TRIM24: variants seen among roughly 807,000 people sequenced by gnomAD.
TRIM24 encodes the protein tripartite motif containing 24, also known as transcription intermediary factor 1-alpha.
Under a neutral mutation model 123.9 loss-of-function variants are expected in TRIM24, and 29 were observed. The ratio of observed to expected loss-of-function variants is 0.23; its 90% confidence interval spans 0.17 to 0.32. The LOEUF (loss-of-function observed/expected upper bound fraction) is 0.32. Among genes scored for constraint, TRIM24 ranks in the 10% least tolerant of loss-of-function variants. The pLI is 1.00. For missense variants in TRIM24, 932 were observed against 1,295.3 expected, an observed-to-expected ratio of 0.72 and a Z score of 4.31; for synonymous variants, 456 against 461.1, an observed-to-expected ratio of 0.99 and a Z score of 0.14.
At chr7:138,542,046 A>G (rs1476210741) in intron 7 of TRIM24, among the ~76,000 whole-genome samples, 2 of 152,242 alleles carry the variant, frequency 1.3e-5, no homozygotes, top group Admixed American at 6.5e-5. Context: ...AGGTTATGTT[A>G]TAGCTGGCTT....
At chr7:138,471,836 C>G (rs577023531) in intron 1 of TRIM24, among the ~76,000 whole-genome samples, 1 of 152,132 alleles carries the variant, frequency 6.6e-6, no homozygotes, top group Non-Finnish European at 1.5e-5. Flanking sequence ...CCACCGCACC[C>G]GGCCTGGTAT....
At chr7:138,564,028 C>T (rs1324266442) in intron 9 of TRIM24, among the ~76,000 whole-genome samples, 1 of 152,190 alleles carries the variant, frequency 6.6e-6, no homozygotes, top group Non-Finnish European at 1.5e-5. Context: ...TAAACAGTGT[C>T]AAGAGGAGCT....
intron 1 of TRIM24, among the ~76,000 whole-genome samples, chr7:138,471,903 G>A (rs538418033): frequency 5.9e-5 from 9 of 152,200 alleles, no homozygotes; most frequent in African/African-American, 1.7e-4. Context: ...ACTACCAGAA[G>A]ATCTTTATTT....
chr7:138,471,671 G>C lies in TRIM24; in HGVS notation c.364+10759G>C, dbSNP rs187683826. Among the ~76,000 whole-genome samples, 163 of 152,080 alleles carry C rather than the reference G, an allele frequency of 1.1e-3. 1 individual carries two copies. The highest frequency in any genetic ancestry group is 3.8e-3 in the African/African-American group (157 of 41,488). On this transcript the variant is annotated intron_variant, in intron 1 of 18. Coordinates refer to ENST00000343526, the MANE Select transcript of TRIM24 (RefSeq NM_015905.3). Reference sequence around the variant, plus strand: ...TTCTCATGCCTCAGCCTCCCCAACAGCTGGGATTACAGGTGCGCGCCACCA... The same window carrying C: ...TTCTCATGCCTCAGCCTCCCCAACACCTGGGATTACAGGTGCGCGCCACCA...
At chr7:138,533,365 G>A (rs2116595960) in intron 6 of TRIM24, among the ~76,000 whole-genome samples, 1 of 152,204 alleles carries the variant, frequency 6.6e-6, no homozygotes, top group East Asian at 1.9e-4. Flanking sequence ...GTCATAAATA[G>A]CTCTTATTAT....
intron 3 of TRIM24, among the ~76,000 whole-genome samples, chr7:138,518,132 C>T (rs1311627501): frequency 6.6e-6 from 1 of 152,082 alleles, no homozygotes; most frequent in Non-Finnish European, 1.5e-5. Flanking sequence ...AGTGGTATAT[C>T]TATTTCGTGA....
intron 7 of TRIM24, among the ~76,000 whole-genome samples, chr7:138,549,743 A>G (rs562743015): frequency 4.6e-5 from 7 of 152,320 alleles, no homozygotes; most frequent in African/African-American, 1.7e-4. Flanking sequence ...TTTTAGCTGG[A>G]AAAACAAAGC....
At chr7:138,581,312 G>C (rs1584750914) in intron 16 of TRIM24, among the ~76,000 whole-genome samples, 1 of 152,206 alleles carries the variant, frequency 6.6e-6, no homozygotes, top group Non-Finnish European at 1.5e-5. Context: ...CAGAGCACAT[G>C]GTTGGACCTT....
At chr7:138,552,029 GT>G (rs538567598) in intron 8 of TRIM24, among the ~76,000 whole-genome samples, 233 of 146,782 alleles carry the variant, frequency 1.6e-3, no homozygotes, top group East Asian at 9.7e-3. Context: ...TATAAATACA[GT>G]TTTTTTTTTT....
At chr7:138,512,601 T>G (rs1359031541) in intron 2 of TRIM24, among the ~76,000 whole-genome samples, 1 of 152,078 alleles carries the variant, frequency 6.6e-6, no homozygotes, top group Non-Finnish European at 1.5e-5. Context: ...AGCAGTGGCC[T>G]GAGCTGTATT....
At chr7:138,555,040 A>G (rs1347198520) in intron 9 of TRIM24, 74 bp downstream of exon 9, 8 of 1,448,674 alleles carry the variant, frequency 5.5e-6, no homozygotes, top group Non-Finnish European at 2.8e-6. Context: ...AAAATAACAA[A>G]GACATCCATT....
chr7:138,497,358 G>C (rs1192141937), intron 1 of TRIM24, among the ~76,000 whole-genome samples: 4 of 150,418 alleles, frequency 2.7e-5, no homozygotes, highest in African/African-American at 9.8e-5. Flanking sequence ...GTGAGCCACC[G>C]CGCCTGGCCG....
At chr7:138,486,959 C>T (rs1795661442) in intron 1 of TRIM24, among the ~76,000 whole-genome samples, 3 of 152,148 alleles carry the variant, frequency 2.0e-5, no homozygotes, top group African/African-American at 7.2e-5. Context: ...ATTGATTCTT[C>T]CTATCCATGA....
At chr7:138,543,305 T>C (rs1000023982) in intron 7 of TRIM24, among the ~76,000 whole-genome samples, 1 of 152,214 alleles carries the variant, frequency 6.6e-6, no homozygotes, top group African/African-American at 2.4e-5. Flanking sequence ...CTTGGTTAAC[T>C]AAATTTTAAA....
chr7:138,529,146 G>A lies in TRIM24; in HGVS notation c.912G>A (p.Gln304=). ...RIIEVNQNQK[Q]VEQDIKVAIF... is the part of the protein sequence containing the mutation. ...TTGAAGTAAATCAAAATCAAAAGCA[G>A]GTGGAACAGGATATTAAAGTTGCTA... is the stretch of plus-strand genomic sequence containing the variant. The change falls in exon 6 of 19, where the codon CAG becomes CAA. Residue 304 remains glutamine (Q), a synonymous_variant. Coordinates refer to ENST00000343526, the MANE Select transcript of TRIM24 (RefSeq NM_015905.3). 6.4e-7 allele frequency: 1 copy of A among 1,565,790 alleles called. No individual in the cohort carries two copies. Among genetic ancestry groups the A allele is most frequent in the Non-Finnish European group, 8.6e-7 (1 of 1,161,076 alleles).
rs1563072212 is a variant in TRIM24 at position 138,589,199 on chromosome 7, C to T, written c.*4248C>T. Reference sequence around the variant, plus strand: ...AATGTGAATTTACTGTTGTAATTCACATACTGGTGTCATGTTTCTGAGTGA... The same window carrying T: ...AATGTGAATTTACTGTTGTAATTCATATACTGGTGTCATGTTTCTGAGTGA... On this transcript the variant is annotated 3_prime_UTR_variant, in exon 19 of 19. Coordinates refer to ENST00000343526, the MANE Select transcript of TRIM24 (RefSeq NM_015905.3). 6.6e-6 allele frequency: 1 copy of T among 152,108 alleles called. No homozygotes were observed. Among genetic ancestry groups the T allele is most frequent in the Non-Finnish European group, 1.5e-5 (1 of 68,026 alleles). The allele number at this position is 152,108 out of a possible 1,614,324, so 9.4% of individuals were successfully genotyped here.
intron 1 of TRIM24, among the ~76,000 whole-genome samples, chr7:138,493,318 A>T (rs1315143490): frequency 6.6e-6 from 1 of 152,230 alleles, no homozygotes; most frequent in East Asian, 1.9e-4. Context: ...GTTTGTTGAG[A>T]ACCAAACAAT....
In TRIM24 at chr7:138,585,634, TGG is replaced by T. The variant is rs1316806779; in HGVS notation, c.*684_*685del. On this transcript the variant is annotated 3_prime_UTR_variant, in exon 19 of 19. Transcript: ENST00000343526. ...TTTTATCTTGTCTGTAGAGGTATTT[TGG>T]TATAGCAGGTTTTCAAGGCCATTTT... 7 of 363,290 alleles carry T rather than the reference TGG, an allele frequency of 1.9e-5. No individual in the cohort carries two copies. The highest frequency in any genetic ancestry group is 6.6e-5 in the African/African-American group (3 of 45,770). 22.5% of individuals were successfully genotyped at this position (363,290 alleles called of 1,614,324 possible).
chr7:138,533,155 G>A (rs1440810564), intron 6 of TRIM24, among the ~76,000 whole-genome samples: 1 of 152,194 alleles, frequency 6.6e-6, no homozygotes, highest in East Asian at 1.9e-4. Flanking sequence ...CATGTCATCT[G>A]CAAACAGGGA....
Sources: gnomAD v4.1 joint callset for allele counts (sites outside exome capture counted in the v4.1 genomes callset) on GRCh38, gnomAD v4.1.1 for gene constraint, MANE v1.5 for transcripts, NCBI Gene and HGNC (gene_info 2026-07-23, HGNC 2026-07-21) for gene names.